Variants in LDB2 observed in about 807,000 individuals in gnomAD.
LDB2 encodes LIM domain binding 2.
LDB2 carries 12 observed loss-of-function variants against 44.3 expected under a neutral mutation model. The ratio of observed to expected loss-of-function variants is 0.27; its 90% CI spans 0.17 to 0.44. The LOEUF is 0.44. Ranked by LOEUF, LDB2 falls within the 20% of genes least tolerant of loss-of-function variation. The probability of loss-of-function intolerance (pLI) is 1.00; values close to 1 mark genes in which losing one functional copy is unlikely to be tolerated. For synonymous variants in LDB2, 164 were observed against 174.8 expected (o/e 0.94, Z 0.49); for missense variants, 344 against 473.5 (o/e 0.73, Z 2.54).
At chr4:16,838,212 G>A (rs1276044037) in intron 1 of LDB2, among the ~76,000 whole-genome samples, 1 of 152,126 alleles carries the variant, frequency 6.6e-6, no homozygotes, top group African/African-American at 2.4e-5. Context: ...ACTTTTCATC[G>A]AAAGGCACAT....
At chr4:16,711,313 C>G (rs1755820374) in intron 2 of LDB2, among the ~76,000 whole-genome samples, 1 of 152,190 alleles carries the variant, frequency 6.6e-6, no homozygotes, top group Admixed American at 6.5e-5. Context: ...TACTTTGTGC[C>G]AGGCACTGAG....
At chr4:16,513,385 T>C (rs573967719) in intron 5 of LDB2, among the ~76,000 whole-genome samples, 321 of 152,324 alleles carry the variant, frequency 2.1e-3, no homozygotes, top group Non-Finnish European at 3.8e-3. Context: ...CTCCTTCTGC[T>C]GTATGGACTC....
chr4:16,844,690 G>GT (rs1476001877), intron 1 of LDB2, among the ~76,000 whole-genome samples: 1 of 151,960 alleles, frequency 6.6e-6, no homozygotes, highest in African/African-American at 2.4e-5. Context: ...TTTTGTTTTT[G>GT]TTTTTTTGTC....
chr4:16,650,605 T>C (rs1738009901), intron 2 of LDB2, among the ~76,000 whole-genome samples: 1 of 152,212 alleles, frequency 6.6e-6, no homozygotes, highest in Non-Finnish European at 1.5e-5. Context: ...GTAAACACAT[T>C]TGTGTTTATG....
At chr4:16,599,207 TGGGCTGAAGTCAGGTTGTCAGCA>T (rs1181235696) in intron 2 of LDB2, among the ~76,000 whole-genome samples, 3 of 152,312 alleles carry the variant, frequency 2.0e-5, no homozygotes, top group Admixed American at 2.0e-4. Context: ...TAGGGCTTGC[TGGGCTGAAGTCAGGTTGTCAGCA>T]GGGCTGAATT....
intron 5 of LDB2, among the ~76,000 whole-genome samples, chr4:16,524,239 T>C (rs1727374905): frequency 6.6e-6 from 1 of 152,164 alleles, no homozygotes. Flanking sequence ...GATGCAATGG[T>C]GAACACAGCA....
At chr4:16,670,033 G>C (rs1004668069) in intron 2 of LDB2, among the ~76,000 whole-genome samples, 1 of 152,220 alleles carries the variant, frequency 6.6e-6, no homozygotes, top group South Asian at 2.1e-4. Flanking sequence ...AATTTTAAGA[G>C]AAATCTAAGG....
intron 4 of LDB2, among the ~76,000 whole-genome samples, chr4:16,588,415 C>A (rs1276466115): frequency 6.6e-6 from 1 of 152,094 alleles, no homozygotes; most frequent in Non-Finnish European, 1.5e-5. Flanking sequence ...TTGATAATGA[C>A]TGGATGGAAT....
At chr4:16,619,215 C>G (rs1239183063) in intron 2 of LDB2, among the ~76,000 whole-genome samples, 1 of 152,052 alleles carries the variant, frequency 6.6e-6, no homozygotes, top group Non-Finnish European at 1.5e-5. Flanking sequence ...CTGTGATTGA[C>G]AACTAGGTAA....
chr4:16,643,295 G>A (rs1022277791), intron 2 of LDB2, among the ~76,000 whole-genome samples: 18 of 152,130 alleles, frequency 1.2e-4, no homozygotes, highest in Admixed American at 3.3e-4. Flanking sequence ...GCCACACTCC[G>A]TTACTAGCTG....
At chr4:16,655,059 C>T (rs9996576) in intron 2 of LDB2, among the ~76,000 whole-genome samples, 53,284 of 151,970 alleles carry the variant, frequency 0.35, 10,733 homozygotes, top group Middle Eastern at 0.57. Context: ...CTATTTTGCC[C>T]GATCTGAAAT....
Position 16,851,595 on chromosome 4 carries a change from C to CA in LDB2, c.132+46758dup, listed in dbSNP as rs1416271456. On this transcript the variant is annotated intron_variant, in intron 1 of 7. Coordinates refer to ENST00000304523, the MANE Select transcript of LDB2 (RefSeq NM_001290.5). ...GGTGAAACAGCGAGACTCTTGTCTC[C>CA]AAAAAAAAAAAATAATAAGAAAAAA... 5.8e-3 allele frequency among the ~76,000 whole-genome samples: 662 copies of CA among 115,020 alleles called. 2 individuals carry two copies. Among genetic ancestry groups the CA allele is most frequent in the African/African-American group, 0.014 (429 of 30,410 alleles). 75.5% of individuals were successfully genotyped at this position (115,020 alleles called of 152,430 possible). A position where few individuals can be genotyped will look rare whatever the true frequency, so the allele number is the denominator to read the frequency against.
chr4:16,804,290 A>C, intron 1 of LDB2, among the ~76,000 whole-genome samples: 2 of 152,248 alleles, frequency 1.3e-5, no homozygotes, highest in Middle Eastern at 6.8e-3. Context: ...TATATTACAT[A>C]TACACATATA....
chr4:16,672,899 C>T (rs183710764), intron 2 of LDB2, among the ~76,000 whole-genome samples: 2,032 of 144,460 alleles, frequency 0.014, 19 homozygotes, highest in South Asian at 0.038. Context: ...TTTTTCCTTC[C>T]CCCTCTCCTT....
At chr4:16,513,103 T>C (rs1370222461) in intron 5 of LDB2, among the ~76,000 whole-genome samples, 1 of 152,196 alleles carries the variant, frequency 6.6e-6, no homozygotes, top group East Asian at 1.9e-4. Context: ...GTCATCAGCC[T>C]ATCTTCCTTA....
chr4:16,854,337 C>A (rs997482494), intron 1 of LDB2, among the ~76,000 whole-genome samples: 2 of 151,150 alleles, frequency 1.3e-5, no homozygotes, highest in Non-Finnish European at 3.0e-5. Context: ...ATAAAAATAC[C>A]AAATAAACTT....
chr4:16,608,007 A>G (rs866710016), intron 2 of LDB2, among the ~76,000 whole-genome samples: 2 of 152,210 alleles, frequency 1.3e-5, no homozygotes, highest in African/African-American at 2.4e-5. Context: ...TCATATCTCA[A>G]TGTTCTAGTC....
intron 3 of LDB2, among the ~76,000 whole-genome samples, chr4:16,589,673 A>T (rs573571049): frequency 1.3e-5 from 2 of 152,238 alleles, no homozygotes; most frequent in East Asian, 3.9e-4. Context: ...GTGCTATGCA[A>T]TCACGAACCG....
At chr4:16,814,469 T>A (rs557476412) in intron 1 of LDB2, among the ~76,000 whole-genome samples, 1 of 152,184 alleles carries the variant, frequency 6.6e-6, no homozygotes, top group Non-Finnish European at 1.5e-5. Context: ...TGCTGCTAAA[T>A]CCTATCTGCT....
Sources: gnomAD v4.1 joint callset for allele counts (sites outside exome capture counted in the v4.1 genomes callset) on GRCh38, gnomAD v4.1.1 for gene constraint, MANE v1.5 for transcripts, NCBI Gene and HGNC (gene_info 2026-07-23, HGNC 2026-07-21) for gene names.